Variants in GNL3L observed in about 807,000 individuals in gnomAD.
GNL3L encodes the protein G protein nucleolar 3 like, also known as guanine nucleotide-binding protein-like 3-like protein.
GNL3L carries 4 observed loss-of-function variants against 42.9 expected under a neutral mutation model. The observed-to-expected ratio is 0.09, with a 90% CI of 0.05 to 0.21. The LOEUF is 0.21. Among genes scored for constraint, GNL3L ranks in the 10% least tolerant of loss-of-function variants. The pLI is 1.00. For missense variants in GNL3L, 412 were observed against 481.7 expected, an observed-to-expected ratio of 0.86 and a Z score of 1.36; for synonymous variants, 159 against 176.3, an observed-to-expected ratio of 0.90 and a Z score of 0.78.
chrX:54,555,203 A>G (rs1396473075), intron 14 of GNL3L, among the ~76,000 whole-genome samples: 3 of 108,841 alleles, frequency 2.8e-5, no homozygotes, highest in Admixed American at 1.0e-4. Context: ...TAGTAGAGAC[A>G]GGGTTTTGCT....
intron 2 of GNL3L, among the ~76,000 whole-genome samples, chrX:54,534,301 C>T (rs893947811): frequency 9.0e-6 from 1 of 110,591 alleles, no homozygotes; most frequent in Admixed American, 9.7e-5. Context: ...AAAACAACAA[C>T]CACCTTTTGA....
intron 12 of GNL3L, 50 bp from the exon 13 acceptor site, chrX:54,552,242 T>G (rs770284700): frequency 5.3e-5 from 62 of 1,164,802 alleles, no homozygotes; most frequent in Non-Finnish European, 7.0e-5. Flanking sequence ...TGGATTGTCA[T>G]TGGTTCTCTC....
At chrX:54,569,907 G>A (rs181109020), downstream of GNL3L, among the ~76,000 whole-genome samples, 30 of 111,860 alleles carry the variant, frequency 2.7e-4, no homozygotes, top group Middle Eastern at 4.6e-3. Flanking sequence ...ATTACATTAT[G>A]GTAAAGGAAT....
the GNL3L span, among the ~76,000 whole-genome samples, chrX:54,637,476 T>C: frequency 9.0e-6 from 1 of 111,682 alleles, no homozygotes; most frequent in Admixed American, 9.5e-5. Context: ...CACATGTGCA[T>C]GCACACACAC....
At chrX:54,599,694 A>G (rs1925979582) in intron 16 of GNL3L, among the ~76,000 whole-genome samples, 1 of 110,310 alleles carries the variant, frequency 9.1e-6, no homozygotes, top group African/African-American at 3.3e-5. Context: ...AATGTTATAT[A>G]TTATTGTCTC....
chrX:54,543,240 C>T lies in GNL3L; in HGVS notation c.424C>T (p.Leu142=). The change falls in exon 7 of 16, where the codon CTG becomes TTG. Residue 142 remains leucine, a synonymous_variant. Transcript: ENST00000360845. ...ATACTCTGATGTGATTCTGGAAGTC[C>T]TGGATGCCAGAGACCCATTAGGCTG... The part of the protein sequence containing the change: ...VEYSDVILEV[L]DARDPLGCRC... 1 of 1,209,216 alleles carries T rather than the reference C, an allele frequency of 8.3e-7. No homozygotes were observed.
rs1022207663 is a variant in GNL3L, at chrX:54,567,053, G to T, written c.*6451G>T. On this transcript the variant is annotated 3_prime_UTR_variant, in exon 16 of 16. Coordinates refer to ENST00000360845, the MANE Select transcript of GNL3L (RefSeq NM_001184819.2). Reference sequence around the variant, plus strand: ...CATGTTTCCTCCTAAAAGTTTTATAGTTTTAGGTTTTACATTTAGGTCTAT... The same window carrying T: ...CATGTTTCCTCCTAAAAGTTTTATATTTTTAGGTTTTACATTTAGGTCTAT... Among the ~76,000 whole-genome samples, 6 of 111,924 alleles carry T rather than the reference G, an allele frequency of 5.4e-5. No homozygotes were observed. Among genetic ancestry groups the T allele is most frequent in the Non-Finnish European group, 1.1e-4 (6 of 53,157 alleles).
chrX:54,632,640 A>G, the GNL3L span, among the ~76,000 whole-genome samples: 1 of 110,878 alleles, frequency 9.0e-6, no homozygotes, highest in Non-Finnish European at 1.9e-5. Flanking sequence ...TATGCTGTCT[A>G]TTTCTCTGGA....
At chrX:54,532,910 C>T (rs1410136920) in intron 2 of GNL3L, among the ~76,000 whole-genome samples, 1 of 111,712 alleles carries the variant, frequency 9.0e-6, no homozygotes, top group Non-Finnish European at 1.9e-5. Context: ...CTGCCTACGT[C>T]GGCCTCCCAA....
chrX:54,596,059 A>T (rs1293665805), intron 16 of GNL3L, among the ~76,000 whole-genome samples: 2 of 111,829 alleles, frequency 1.8e-5, no homozygotes, highest in Non-Finnish European at 3.8e-5. Context: ...AAATGATCTA[A>T]TGAACCCTGG....
In GNL3L at chrX:54,607,093, CTT is replaced by C. The variant is rs1290146152; in HGVS notation, c.*46-13750_*46-13749del. 1.9e-3 allele frequency among the ~76,000 whole-genome samples: 96 copies of C among 51,138 alleles called. 1 individual carries two copies. Among genetic ancestry groups the C allele is most frequent in the South Asian group, 7.6e-3 (7 of 927 alleles). The allele number at this position is 51,138 out of a possible 115,157, so 44.4% of individuals were successfully genotyped here. A position where few individuals can be genotyped will look rare whatever the true frequency, so the allele number is the denominator to read the frequency against. On this transcript the variant is annotated intron_variant, in intron 16 of 16. Transcript: ENST00000674498. Reference sequence around the variant, plus strand: ...CTTTCTCTTTCTTTCTTCTTTCTTTCTTTCTTTCTTTCTTTCTTTCTTTCTTT... The same window carrying C: ...CTTTCTCTTTCTTTCTTCTTTCTTTCTCTTTCTTTCTTTCTTTCTTTCTTT...
chrX:54,638,526 G>T, the GNL3L span, among the ~76,000 whole-genome samples: 6 of 111,211 alleles, frequency 5.4e-5, no homozygotes, highest in African/African-American at 2.0e-4. Context: ...CTGGAGTGCA[G>T]TGGCGCAATC....
intron 4 of GNL3L, 28 bp from the exon 5 acceptor site, chrX:54,541,245 C>G (rs780089262): frequency 1.9e-6 from 2 of 1,040,570 alleles, no homozygotes; most frequent in South Asian, 1.9e-5. Flanking sequence ...CCAGTCAGCT[C>G]CAGTACCAGT....
chrX:54,617,528 G>C (rs768447247), intron 16 of GNL3L, among the ~76,000 whole-genome samples: 1 of 111,588 alleles, frequency 9.0e-6, no homozygotes, highest in Non-Finnish European at 1.9e-5. Flanking sequence ...TTTTCCCCCC[G>C]CTAGAAACTT....
At chrX:54,636,696 A>G in the GNL3L span, among the ~76,000 whole-genome samples, 1 of 112,170 alleles carries the variant, frequency 8.9e-6, no homozygotes, top group Non-Finnish European at 1.9e-5. Context: ...TGCAAAAGAC[A>G]TGATTTCATT....
the GNL3L span, among the ~76,000 whole-genome samples, chrX:54,629,873 A>T: frequency 9.0e-6 from 1 of 111,682 alleles, no homozygotes; most frequent in Non-Finnish European, 1.9e-5. Context: ...TCAGCTGTGA[A>T]TGCATTTGGT....
the GNL3L span, among the ~76,000 whole-genome samples, chrX:54,630,645 G>C: frequency 1.1e-5 from 1 of 95,043 alleles, no homozygotes; most frequent in Non-Finnish European, 2.1e-5. Flanking sequence ...ATTTTCTTTT[G>C]TTTTCTTTTC....
At chrX:54,539,976 T>C (rs1238990009) in intron 3 of GNL3L, among the ~76,000 whole-genome samples, 159 bp from the exon 4 acceptor site, 1 of 111,921 alleles carries the variant, frequency 8.9e-6, no homozygotes, top group Non-Finnish European at 1.9e-5. Context: ...CTCCTGCTGC[T>C]CACCTTGGGA....
chrX:54,635,297 G>A, the GNL3L span, among the ~76,000 whole-genome samples: 3 of 111,127 alleles, frequency 2.7e-5, no homozygotes, highest in Non-Finnish European at 5.7e-5. Flanking sequence ...TTGCTCATAC[G>A]TCATATTCCT....
Sources: allele counts gnomAD v4.1 joint callset (sites outside exome capture counted in the v4.1 genomes callset), GRCh38; gene constraint gnomAD v4.1.1; transcripts MANE v1.5; gene names NCBI Gene and HGNC (gene_info 2026-07-23, HGNC 2026-07-21).